Variants in PLA2G7 observed in about 807,000 individuals in gnomAD.
PLA2G7 encodes the protein phospholipase A2 group VII.
Under a neutral mutation model 49.6 loss-of-function variants are expected in PLA2G7, and 63 were observed. The ratio of observed to expected loss-of-function variants is 1.27; its 90% confidence interval spans 1.04 to 1.57. The LOEUF is 1.57. PLA2G7 is among the 40% of genes most tolerant of loss of function. PLA2G7 has a pLI of 0.00. For missense variants in PLA2G7, 596 were observed against 521.2 expected, an observed-to-expected ratio of 1.14 and a Z score of -1.40; for synonymous variants, 193 against 169.9, an observed-to-expected ratio of 1.14 and a Z score of -1.06.
intron 1 of PLA2G7, among the ~76,000 whole-genome samples, chr6:46,726,443 C>T (rs1765575717): frequency 6.6e-6 from 1 of 152,120 alleles, no homozygotes; most frequent in Non-Finnish European, 1.5e-5. Flanking sequence ...GTGCCTTTTT[C>T]TCAACCATGG....
At chr6:46,724,675 C>T (rs1283166755) in intron 1 of PLA2G7, among the ~76,000 whole-genome samples, 1 of 152,210 alleles carries the variant, frequency 6.6e-6, no homozygotes, top group Non-Finnish European at 1.5e-5. Context: ...CTTTCCCTGA[C>T]ACAGCAAACT....
intron 1 of PLA2G7, among the ~76,000 whole-genome samples, chr6:46,725,712 A>G (rs1224466983): frequency 2.0e-5 from 3 of 152,222 alleles, no homozygotes; most frequent in African/African-American, 7.2e-5. Flanking sequence ...GATTTCAAAA[A>G]TCCAAACATA....
chr6:46,707,862 A>C, intron 10 of PLA2G7, 129 bp downstream of exon 10: 1 of 634,286 alleles, frequency 1.6e-6, no homozygotes, highest in South Asian at 1.9e-5. Flanking sequence ...GAGATTATCT[A>C]ATTCTCTCCT....
chr6:46,712,740 C>A (rs1306310229), intron 5 of PLA2G7, among the ~76,000 whole-genome samples: 1 of 152,156 alleles, frequency 6.6e-6, no homozygotes, highest in Non-Finnish European at 1.5e-5. Context: ...TGCCACTTCC[C>A]AGCTATATGA....
chr6:46,712,835 T>G (rs1181734939), intron 5 of PLA2G7, among the ~76,000 whole-genome samples: 1 of 152,220 alleles, frequency 6.6e-6, no homozygotes, highest in Non-Finnish European at 1.5e-5. Context: ...TGTAAGGTTT[T>G]GCTAAGATAA....
At chr6:46,709,658 A>G (rs535678864) in intron 8 of PLA2G7, among the ~76,000 whole-genome samples, 1 of 152,218 alleles carries the variant, frequency 6.6e-6, no homozygotes, top group Non-Finnish European at 1.5e-5. Flanking sequence ...AAGTAAACTT[A>G]ATGTTCTTTG....
chr6:46,707,970 A>C, intron 10 of PLA2G7, 21 bp downstream of exon 10: 1 of 1,461,958 alleles, frequency 6.8e-7, no homozygotes, highest in South Asian at 1.2e-5. Flanking sequence ...TCACATAATG[A>C]AATAAGTCAC....
chr6:46,722,992 T>C (rs1397867359), intron 1 of PLA2G7, 67 bp from the exon 2 acceptor site: 4 of 727,564 alleles, frequency 5.5e-6, no homozygotes, highest in Non-Finnish European at 1.0e-5. Flanking sequence ...AGCTGACAAA[T>C]CAAGAAAGGC....
In PLA2G7 at chr6:46,722,876, A is replaced by G; in HGVS notation, c.16T>C (p.Leu6=). 1 of 1,612,516 alleles carries G rather than the reference A, an allele frequency of 6.2e-7. No homozygotes were observed. The highest frequency in any genetic ancestry group is 8.5e-7 in the Non-Finnish European group (1 of 1,178,692). The change falls in exon 2 of 12, where the codon TTG becomes CTG. Residue 6 remains leucine (L), a synonymous_variant. Transcript: ENST00000274793. MVPPK[L]HVLFCLCGCL... ...CCGCAGAGGCAGAAAAGCACATGCA[A>G]TTTGGGTGGCACCATCTTGGGAGCT...
At chr6:46,732,952 A>G (rs1452634443) in intron 1 of PLA2G7, among the ~76,000 whole-genome samples, 2 of 152,232 alleles carry the variant, frequency 1.3e-5, no homozygotes, top group Admixed American at 6.5e-5. Context: ...TTGAGACGTC[A>G]GTCAGGCTTA....
chr6:46,711,453 T>G, intron 7 of PLA2G7, 43 bp downstream of exon 7: 1 of 1,609,036 alleles, frequency 6.2e-7, no homozygotes, highest in Non-Finnish European at 8.5e-7. Flanking sequence ...CTTTTGTACA[T>G]GCTTTTAGGT....
At position 46,704,574 on chromosome 6, in the gene PLA2G7, C is replaced by T. The variant is rs375406274; in HGVS notation, c.1312G>A (p.Glu438Lys). The change falls in exon 12 of 12, where the codon GAG becomes AAG. Residue 438 changes from glutamate (E) to lysine (K), a missense_variant. Transcript: ENST00000274793. ...HIMLQNSSGI[E>K]KYN ...CTATTTTAATCCTAATTGTATTTCTCTATTCCTGAAGAGTTCTGTAACATG... is the reference window on the plus strand; with the variant it reads ...CTATTTTAATCCTAATTGTATTTCTTTATTCCTGAAGAGTTCTGTAACATG... The T allele has an allele frequency of 1.3e-6, 2 of 1,591,362 alleles. No homozygotes were observed. The highest frequency in any genetic ancestry group is 1.7e-6 in the Non-Finnish European group (2 of 1,159,854).
Position 46,704,516 on chromosome 6 carries a change from T to G in PLA2G7, c.*44A>C. 2 of 1,053,846 alleles carry G rather than the reference T, an allele frequency of 1.9e-6. No homozygotes were observed. The highest frequency in any genetic ancestry group is 2.9e-6 in the Non-Finnish European group (2 of 687,666). 65.3% of individuals were successfully genotyped at this position (1,053,846 alleles called of 1,614,324 possible). On this transcript the variant is annotated 3_prime_UTR_variant, in exon 12 of 12. Transcript: ENST00000274793. The stretch of plus-strand genomic sequence containing the variant: ...CACACACACACACACACACATAATT[T>G]TAGACAGTTTTGAAACAAGACTTTT...
At chr6:46,708,224 A>G in intron 9 of PLA2G7, 63 bp from the exon 10 acceptor site, 1 of 1,222,158 alleles carries the variant, frequency 8.2e-7, no homozygotes, top group Non-Finnish European at 1.2e-6. Flanking sequence ...CATTGAGGAC[A>G]TCCTAATAAT....
In PLA2G7 at chr6:46,717,047, T is replaced by A. The variant is rs149350690; in HGVS notation, c.159A>T (p.Gln53His). 26 of 1,613,944 alleles carry A rather than the reference T, an allele frequency of 1.6e-5. No individual in the cohort carries two copies. The highest frequency in any genetic ancestry group is 2.0e-5 in the Non-Finnish European group (24 of 1,179,792). The change falls in exon 3 of 12, where the codon CAA becomes CAT. Residue 53 changes from glutamine (Q) to histidine (H), a missense_variant. Physicochemically the swap from Gln to His is conservative, Grantham distance 24. Transcript: ENST00000274793. The stretch of plus-strand genomic sequence containing the variant: ...GCCCATTTCCCCGGGGGATTTTAGT[T>A]TGGCCAAAGCTTGCAGCAGCCATCA... ...QVLMAAASFGQTKIPRGNGPY... is the reference protein window; with the variant it reads ...QVLMAAASFGHTKIPRGNGPY...
chr6:46,728,021 C>G (rs1443329728), intron 1 of PLA2G7, among the ~76,000 whole-genome samples: 1 of 152,108 alleles, frequency 6.6e-6, no homozygotes, highest in Non-Finnish European at 1.5e-5. Flanking sequence ...CAATAGAAAA[C>G]TAATATGGAG....
intron 2 of PLA2G7, among the ~76,000 whole-genome samples, chr6:46,721,874 G>A (rs565148853): frequency 3.9e-5 from 6 of 152,068 alleles, no homozygotes; most frequent in South Asian, 4.2e-4. Context: ...CTATCGTAAG[G>A]AGTCACCCAT....
intron 10 of PLA2G7, among the ~76,000 whole-genome samples, chr6:46,705,660 C>G (rs1224065514): frequency 6.6e-6 from 1 of 152,230 alleles, no homozygotes; most frequent in Non-Finnish European, 1.5e-5. Context: ...GAGCCTGCTA[C>G]CTGCCCTCAC....
chr6:46,715,907 C>T (rs1049551510), intron 4 of PLA2G7, among the ~76,000 whole-genome samples: 10 of 152,094 alleles, frequency 6.6e-5, no homozygotes, highest in Non-Finnish European at 1.3e-4. Context: ...ATTGTCTTAG[C>T]GATGGGGGTA....
Sources: allele counts gnomAD v4.1 joint callset (sites outside exome capture counted in the v4.1 genomes callset), GRCh38; gene constraint gnomAD v4.1.1; transcripts MANE v1.5; gene names NCBI Gene and HGNC (gene_info 2026-07-23, HGNC 2026-07-21).